MYH15: variants seen among roughly 807,000 people sequenced by gnomAD.
The protein encoded by MYH15 is myosin-15.
MYH15 carries 227 observed loss-of-function variants against 240.5 expected under a neutral mutation model. The ratio of observed to expected loss-of-function variants is 0.94; its 90% CI spans 0.85 to 1.05. The LOEUF (loss-of-function observed/expected upper bound fraction) is 1.05. Among genes scored for constraint, MYH15 ranks in the 50% least tolerant of loss-of-function variants. The pLI is 0.00. For synonymous variants in MYH15, 785 were observed against 796.7 expected (o/e 0.99, Z 0.25); for missense variants, 2,217 against 2,247.5 (o/e 0.99, Z 0.27).
intron 12 of MYH15, among the ~76,000 whole-genome samples, chr3:108,475,608 A>C (rs967193560): frequency 2.0e-5 from 3 of 152,178 alleles, no homozygotes; most frequent in Non-Finnish European, 4.4e-5. Context: ...ATAGAACTAC[A>C]AAGAACTACA....
upstream of MYH15, among the ~76,000 whole-genome samples, chr3:108,512,719 T>C (rs975337285): frequency 6.6e-6 from 1 of 152,142 alleles, no homozygotes; most frequent in Non-Finnish European, 1.5e-5. Flanking sequence ...GTAGTTCTTA[T>C]TATAACATCA....
the MYH15 span, chr3:108,543,680 T>C: frequency 6.6e-6 from 1 of 152,294 alleles, no homozygotes; most frequent in Non-Finnish European, 1.5e-5. Context: ...TATACTTTGG[T>C]GTGATATCTC....
intron 25 of MYH15, among the ~76,000 whole-genome samples, chr3:108,436,758 C>T (rs2082841407): frequency 6.6e-6 from 1 of 152,204 alleles, no homozygotes; most frequent in Non-Finnish European, 1.5e-5. Flanking sequence ...AGGATGGTCT[C>T]AATCTCTTGA....
Position 108,507,246 on chromosome 3 carries a change from T to TTCAC in MYH15, c.89-1418_89-1417insGTGA, listed in dbSNP as rs753120525. Among the ~76,000 whole-genome samples the TTCAC allele has an allele frequency of 1.2e-3, 49 of 42,142 alleles. 3 individuals carry two copies. The highest frequency in any genetic ancestry group is 1.8e-3 in the Non-Finnish European group (26 of 14,762). The allele number at this position is 42,142 out of a possible 152,430, so 27.6% of individuals were successfully genotyped here. A position where few individuals can be genotyped will look rare whatever the true frequency, so the allele number is the denominator to read the frequency against. ...AAATGAATATATATATATATATATA[T>TTCAC]ATATATATATATATATATATATATA... On this transcript the variant is annotated intron_variant, in intron 1 of 40. Coordinates refer to ENST00000693548, the MANE Select transcript of MYH15 (RefSeq NM_014981.3).
chr3:108,472,874 C>T (rs1046831050), intron 12 of MYH15, among the ~76,000 whole-genome samples: 4 of 152,136 alleles, frequency 2.6e-5, no homozygotes, highest in African/African-American at 9.7e-5. Flanking sequence ...TCTATATTTC[C>T]ACTTTTCAAG....
Position 108,498,045 on chromosome 3 carries a change from CACTT to C in MYH15, c.618+3_618+6del, listed in dbSNP as rs983962494. 3.7e-6 allele frequency: 6 copies of C among 1,612,968 alleles called. No individual in the cohort carries two copies. In the African/African-American group the frequency reaches 4.0e-5, roughly 11 times the overall value. On this transcript the variant is annotated splice_donor_5th_base_variant and intron_variant, in intron 6 of 40. Coordinates refer to ENST00000693548, the MANE Select transcript of MYH15 (RefSeq NM_014981.3). ...CATCTTTTCTACCAAGCTATATAAACACTTACCTGCTTTTTCCTGGATTCAATCA... is the reference window on the plus strand; with the variant it reads ...CATCTTTTCTACCAAGCTATATAAACACCTGCTTTTTCCTGGATTCAATCA...
chr3:108,511,130 G>A (rs943396200), upstream of MYH15, among the ~76,000 whole-genome samples: 3 of 151,986 alleles, frequency 2.0e-5, no homozygotes, highest in Non-Finnish European at 4.4e-5. Context: ...GTGGAGGGGG[G>A]TTTCGAGGTA....
chr3:108,446,749 A>C (rs1184446067), intron 21 of MYH15, among the ~76,000 whole-genome samples: 1 of 83,452 alleles, frequency 1.2e-5, no homozygotes, highest in Non-Finnish European at 3.2e-5. Context: ...TTGCCCAGTC[A>C]AAGCCAGTCC....
At chr3:108,524,181 G>T (rs1482840451) in intron 1 of MYH15, among the ~76,000 whole-genome samples, 1 of 151,938 alleles carries the variant, frequency 6.6e-6, no homozygotes, top group Non-Finnish European at 1.5e-5. Context: ...ATATATGAAA[G>T]TACTTTTTCC....
In MYH15 at chr3:108,456,752, G is replaced by T; in HGVS notation, c.2138+14C>A. ...ACTGCCTCAGGCTTCTTGGATCCTA[G>T]AATGTAGGTTTACCTTTGTTTAAAA... On this transcript the variant is annotated intron_variant, in intron 19 of 40. Transcript: ENST00000693548. 1.3e-6 allele frequency: 2 copies of T among 1,572,542 alleles called. No individual in the cohort carries two copies. The highest frequency in any genetic ancestry group is 1.1e-5 in the South Asian group (1 of 90,136).
intron 12 of MYH15, among the ~76,000 whole-genome samples, chr3:108,472,223 A>G (rs2083184085): frequency 1.3e-5 from 2 of 152,224 alleles, no homozygotes; most frequent in Non-Finnish European, 2.9e-5. Context: ...TCCTACTTCC[A>G]TAACTCCAAT....
Position 108,413,831 on chromosome 3 carries a change from G to C in MYH15, c.4145+401C>G, listed in dbSNP as rs189151275. ...TTGTAGTCTACAAGTTGTAGACCAG[G>C]GACACAACGACTTTGATGGAGACAC... On this transcript the variant is annotated intron_variant, in intron 30 of 40. Transcript: ENST00000693548. Among the ~76,000 whole-genome samples the C allele has an allele frequency of 4.0e-4, 61 of 152,062 alleles. No individual in the cohort carries two copies. The East Asian group carries it at 0.011, about 27-fold the overall frequency.
chr3:108,516,861 G>A (rs976962039), intron 1 of MYH15, among the ~76,000 whole-genome samples: 1 of 152,162 alleles, frequency 6.6e-6, no homozygotes, highest in Non-Finnish European at 1.5e-5. Context: ...TTACTTCAAA[G>A]GGTGATTATT....
chr3:108,529,176 C>A, intron 1 of MYH15: 1 of 1,278,576 alleles, frequency 7.8e-7, no homozygotes, highest in South Asian at 1.3e-5. Flanking sequence ...TGATTAAGAC[C>A]ATCAAGAATA....
At chr3:108,428,340 GC>G (rs2082743036) in intron 27 of MYH15, 151 bp downstream of exon 27, 1 of 950,778 alleles carries the variant, frequency 1.1e-6, no homozygotes, top group Non-Finnish European at 1.6e-6. Flanking sequence ...CTAAGGTCAG[GC>G]CTGATCTATT....
chr3:108,456,657 TAG>T (rs2083022403), intron 19 of MYH15, 107 bp downstream of exon 19: 4 of 739,896 alleles, frequency 5.4e-6, no homozygotes, highest in Non-Finnish European at 7.0e-6. Context: ...CATCGATTTG[TAG>T]TCTGGAGGAC....
rs369187361 is a variant in MYH15, at chr3:108,439,732, C to T, written c.3075+5G>A. 1.1e-5 allele frequency: 17 copies of T among 1,593,176 alleles called. No homozygotes were observed. In the African/African-American group the frequency reaches 1.9e-4, roughly 18 times the overall value. ...AGATAACTAACCAGATACACCGTTA[C>T]TGACCTCATCAACTTGCTGTTCCAG... On this transcript the variant is annotated splice_donor_5th_base_variant and intron_variant, in intron 24 of 40. Coordinates refer to ENST00000693548, the MANE Select transcript of MYH15 (RefSeq NM_014981.3).
At chr3:108,427,852 G>C (rs2082738570) in intron 27 of MYH15, among the ~76,000 whole-genome samples, 1 of 152,166 alleles carries the variant, frequency 6.6e-6, no homozygotes, top group South Asian at 2.1e-4. Flanking sequence ...AGGAGAGAAG[G>C]TTGCAGCAAC....
At chr3:108,491,721 C>G (rs576673802) in intron 9 of MYH15, among the ~76,000 whole-genome samples, 1 of 152,278 alleles carries the variant, frequency 6.6e-6, no homozygotes, top group East Asian at 1.9e-4. Context: ...CACACTTGCT[C>G]TGCCAACTCC....
Sources: gnomAD v4.1 joint callset for allele counts (sites outside exome capture counted in the v4.1 genomes callset) on GRCh38, gnomAD v4.1.1 for gene constraint, MANE v1.5 for transcripts, NCBI Gene and HGNC (gene_info 2026-07-23, HGNC 2026-07-21) for gene names.